FHOD3: variants seen among roughly 807,000 people sequenced by gnomAD.
FHOD3 encodes formin homology 2 domain containing 3, also known as FH1/FH2 domain-containing protein 3.
FHOD3 carries 90 observed loss-of-function variants against 173.0 expected under a neutral mutation model. The observed-to-expected ratio is 0.52, with a 90% CI of 0.44 to 0.62. The LOEUF is 0.62. Among genes scored for constraint, FHOD3 ranks in the 20% least tolerant of loss-of-function variants. FHOD3 has a pLI of 0.00. For synonymous variants in FHOD3, 828 were observed against 823.0 expected, an observed-to-expected ratio of 1.01 and a Z score of -0.10; for missense variants, 1,945 against 2,034.7, an observed-to-expected ratio of 0.96 and a Z score of 0.85.
chr18:36,304,192 T>C (rs1422098310), intron 1 of FHOD3, among the ~76,000 whole-genome samples: 2 of 152,206 alleles, frequency 1.3e-5, no homozygotes, highest in Non-Finnish European at 2.9e-5. Flanking sequence ...AATTATTAAC[T>C]TTAAAGTGTG....
chr18:36,704,250 T>A (rs1221905239), intron 17 of FHOD3, among the ~76,000 whole-genome samples: 2 of 152,258 alleles, frequency 1.3e-5, no homozygotes, highest in African/African-American at 2.4e-5. Flanking sequence ...CACATTTTTC[T>A]GGTCTTTGCT....
chr18:36,610,135 C>A (rs2032523736), intron 8 of FHOD3, among the ~76,000 whole-genome samples: 1 of 152,228 alleles, frequency 6.6e-6, no homozygotes, highest in Non-Finnish European at 1.5e-5. Flanking sequence ...GTGCCTGGGG[C>A]TGGCCCCCAC....
At chr18:36,298,091 T>A in intron 1 of FHOD3, 91 bp downstream of exon 1, 1 of 1,152,354 alleles carries the variant, frequency 8.7e-7, no homozygotes, top group Non-Finnish European at 1.1e-6. Context: ...GTGGGCCCCC[T>A]GGGCTGGGCT....
rs1007760668 is a variant in FHOD3 at position 36,640,709 on chromosome 18, A to G, written c.1197-8607A>G. The stretch of plus-strand genomic sequence containing the variant: ...TAAGGCACTGCTCCTCCAGGCTTTC[A>G]GGACAGCAGGCAAGTCTGGGGTGAC... On this transcript the variant is annotated intron_variant, in intron 10 of 28. Transcript: ENST00000590592. Among the ~76,000 whole-genome samples, 8 of 152,156 alleles carry G rather than the reference A, an allele frequency of 5.3e-5. 1 individual carries two copies. Among genetic ancestry groups the G allele is most frequent in the Non-Finnish European group, 1.2e-4 (8 of 68,024 alleles).
At chr18:36,458,011 A>G (rs557410512) in intron 3 of FHOD3, among the ~76,000 whole-genome samples, 1 of 152,334 alleles carries the variant, frequency 6.6e-6, no homozygotes, top group African/African-American at 2.4e-5. Flanking sequence ...AGAACACTTG[A>G]GACTCCATAA....
At chr18:36,522,637 A>G (rs1026268574) in intron 5 of FHOD3, among the ~76,000 whole-genome samples, 9 of 152,140 alleles carry the variant, frequency 5.9e-5, no homozygotes, top group African/African-American at 2.2e-4. Context: ...TATCATCACA[A>G]CCTTTGCAGC....
rs78330841 is a variant in FHOD3, at chr18:36,746,148, T to A, written c.4042-797T>A. Among the ~76,000 whole-genome samples the A allele has an allele frequency of 2.8e-3, 419 of 152,276 alleles. 17 individuals carry two copies. The East Asian group carries it at 0.076, about 27-fold the overall frequency. On this transcript the variant is annotated intron_variant, in intron 23 of 28. Transcript: ENST00000590592. ...TTAGAAAACCTCATCTCAGTCTCCT[T>A]CAGGCAATCCAGCCTGTCTGCACGT...
intron 3 of FHOD3, among the ~76,000 whole-genome samples, chr18:36,449,086 G>A (rs1307193850): frequency 6.6e-6 from 1 of 151,900 alleles, no homozygotes; most frequent in Non-Finnish European, 1.5e-5. Context: ...AAAATACATG[G>A]TTTTAACCAA....
chr18:36,416,304 A>G (rs2049644353), intron 3 of FHOD3, among the ~76,000 whole-genome samples: 1 of 152,204 alleles, frequency 6.6e-6, no homozygotes, highest in Non-Finnish European at 1.5e-5. Context: ...AAGTGCTGGG[A>G]TTACAGGCGT....
intron 3 of FHOD3, among the ~76,000 whole-genome samples, chr18:36,402,163 C>A (rs1329991438): frequency 6.6e-6 from 1 of 152,076 alleles, no homozygotes; most frequent in African/African-American, 2.4e-5. Context: ...AGTACTGAGT[C>A]GGCTGGGCGT....
intron 5 of FHOD3, among the ~76,000 whole-genome samples, chr18:36,521,186 G>T (rs1054711729): frequency 2.0e-5 from 3 of 152,094 alleles, no homozygotes; most frequent in African/African-American, 4.8e-5. Flanking sequence ...GAGGCTTGAG[G>T]GCTCTTGGTA....
At chr18:36,441,842 A>G (rs762564871) in intron 3 of FHOD3, among the ~76,000 whole-genome samples, 7 of 152,222 alleles carry the variant, frequency 4.6e-5, no homozygotes, top group African/African-American at 7.2e-5. Flanking sequence ...TGGTAGTGCT[A>G]GAAGGAACCT....
intron 3 of FHOD3, among the ~76,000 whole-genome samples, chr18:36,469,199 A>G (rs933529899): frequency 6.6e-6 from 1 of 152,184 alleles, no homozygotes; most frequent in African/African-American, 2.4e-5. Context: ...ATCACCAGGT[A>G]TAGAGCTATA....
At chr18:36,744,933 A>G (rs2042077877) in intron 23 of FHOD3, among the ~76,000 whole-genome samples, 1 of 152,148 alleles carries the variant, frequency 6.6e-6, no homozygotes, top group Non-Finnish European at 1.5e-5. Flanking sequence ...GGGGTGGAAA[A>G]TACCCTTAAA....
chr18:36,743,244 G>C (rs193113566), intron 22 of FHOD3, among the ~76,000 whole-genome samples: 84 of 145,664 alleles, frequency 5.8e-4, no homozygotes, highest in African/African-American at 2.0e-3. Context: ...GGGAAGCAGA[G>C]GTTGCAGTGA....
intron 3 of FHOD3, among the ~76,000 whole-genome samples, chr18:36,406,095 G>T (rs59475924): frequency 0.32 from 38,256 of 119,080 alleles, 5,816 homozygotes; most frequent in East Asian, 0.66. Flanking sequence ...TTTTGTTTTT[G>T]TTTTTTTGTT....
At chr18:36,536,643 A>G (rs541178531) in intron 5 of FHOD3, among the ~76,000 whole-genome samples, 1 of 152,254 alleles carries the variant, frequency 6.6e-6, no homozygotes, top group South Asian at 2.1e-4. Flanking sequence ...CTCCCCACTG[A>G]GGCAGAGTGG....
At chr18:36,488,692 A>G (rs1270328103) in intron 3 of FHOD3, among the ~76,000 whole-genome samples, 1 of 152,140 alleles carries the variant, frequency 6.6e-6, no homozygotes, top group Admixed American at 6.5e-5. Context: ...TGGCTTCAGG[A>G]TGTTGGAATG....
At position 36,667,800 on chromosome 18, in the gene FHOD3, G is replaced by T. The variant is rs549271641; in HGVS notation, c.1835+9612G>T. Among the ~76,000 whole-genome samples the T allele has an allele frequency of 8.5e-5, 13 of 152,236 alleles. 1 individual carries two copies. The South Asian group carries it at 2.7e-3, about 32-fold the overall frequency. ...ACACTAACGTTATTAAAAAAGAAAA[G>T]TAGTTGTGCTACAATGTTATGATGG... On this transcript the variant is annotated intron_variant, in intron 14 of 28. Transcript: ENST00000590592.
Sources: allele counts gnomAD v4.1 joint callset (sites outside exome capture counted in the v4.1 genomes callset), GRCh38; gene constraint gnomAD v4.1.1; transcripts MANE v1.5; gene names NCBI Gene and HGNC (gene_info 2026-07-23, HGNC 2026-07-21).